Variants in MLLT3 observed in about 807,000 individuals in gnomAD.
MLLT3 encodes MLLT3 super elongation complex subunit, also known as protein AF-9.
MLLT3 carries 4 observed loss-of-function variants against 53.2 expected under a neutral mutation model. That is an observed-to-expected ratio of 0.08 (90% CI 0.04 to 0.17). MLLT3 has a LOEUF of 0.17. Ranked by LOEUF, MLLT3 falls within the 10% of genes least tolerant of loss-of-function variation. MLLT3 has a pLI of 1.00. For missense variants in MLLT3, 569 were observed against 684.0 expected (o/e 0.83, Z 1.87); for synonymous variants, 283 against 230.6 (o/e 1.23, Z -2.06).
At chr9:20,373,993 T>TAA (rs60787106) in intron 5 of MLLT3, among the ~76,000 whole-genome samples, 34 of 145,648 alleles carry the variant, frequency 2.3e-4, no homozygotes, top group African/African-American at 7.0e-4. Context: ...TTGCTTAACA[T>TAA]AAAAAAAAAA....
chr9:20,615,640 T>G (rs150148275), intron 2 of MLLT3, among the ~76,000 whole-genome samples: 49 of 152,032 alleles, frequency 3.2e-4, no homozygotes, highest in African/African-American at 1.1e-3. Context: ...CTACCAGCAG[T>G]TCTCGGAGTG....
chr9:20,501,067 T>A (rs1232507869), intron 2 of MLLT3, among the ~76,000 whole-genome samples: 1 of 152,182 alleles, frequency 6.6e-6, no homozygotes, highest in Non-Finnish European at 1.5e-5. Context: ...TAAATATGAT[T>A]GATTTTTGGA....
chr9:20,531,300 T>C (rs1319778081), intron 2 of MLLT3, among the ~76,000 whole-genome samples: 3 of 151,972 alleles, frequency 2.0e-5, no homozygotes, highest in Non-Finnish European at 2.9e-5. Flanking sequence ...CACGCCCAAG[T>C]AATTTTTGTG....
intron 2 of MLLT3, among the ~76,000 whole-genome samples, chr9:20,587,746 T>C (rs554094270): frequency 1.3e-5 from 2 of 152,124 alleles, no homozygotes; most frequent in South Asian, 4.1e-4. Context: ...TATTAGCCCT[T>C]TGTCAGATGA....
intron 3 of MLLT3, among the ~76,000 whole-genome samples, chr9:20,453,824 A>G (rs899575822): frequency 6.6e-6 from 1 of 152,194 alleles, no homozygotes; most frequent in African/African-American, 2.4e-5. Flanking sequence ...ACAGAATTCT[A>G]TGGATTACAT....
In MLLT3 at chr9:20,523,444, T is replaced by C. The variant is rs182420538; in HGVS notation, c.194-66658A>G. Among the ~76,000 whole-genome samples, 19 of 152,346 alleles carry C rather than the reference T, an allele frequency of 1.2e-4. No individual in the cohort carries two copies. The East Asian group carries it at 3.1e-3, about 25-fold the overall frequency. On this transcript the variant is annotated intron_variant, in intron 2 of 10. Transcript: ENST00000380338. ...TGGATGTTTATATCAGCTTTATTCA[T>C]AGTTGCCAAAACTTGAAAGCAACCA...
intron 2 of MLLT3, among the ~76,000 whole-genome samples, chr9:20,497,496 A>G (rs909964559): frequency 6.6e-6 from 1 of 152,082 alleles, no homozygotes; most frequent in Non-Finnish European, 1.5e-5. Context: ...TCCTGTTCTT[A>G]TAATTATGCT....
chr9:20,566,108 C>A (rs1819372103), intron 2 of MLLT3, among the ~76,000 whole-genome samples: 1 of 140,150 alleles, frequency 7.1e-6, no homozygotes, highest in Non-Finnish European at 1.5e-5. Context: ...AGTGTACTTT[C>A]ATCACATGGA....
chr9:20,538,623 C>T (rs1339278781), intron 2 of MLLT3, among the ~76,000 whole-genome samples: 3 of 152,162 alleles, frequency 2.0e-5, no homozygotes, highest in African/African-American at 4.8e-5. Flanking sequence ...AATTCCCTTA[C>T]ACTTCCCAGA....
At chr9:20,497,773 T>A (rs1825115482) in intron 2 of MLLT3, among the ~76,000 whole-genome samples, 1 of 152,148 alleles carries the variant, frequency 6.6e-6, no homozygotes, top group Non-Finnish European at 1.5e-5. Flanking sequence ...CTTGTATAAG[T>A]GTGTAAGTCT....
chr9:20,442,713 G>A (rs1020630545), intron 4 of MLLT3, among the ~76,000 whole-genome samples: 25 of 152,058 alleles, frequency 1.6e-4, no homozygotes, highest in Non-Finnish European at 2.9e-4. Flanking sequence ...AAAACCCCTC[G>A]CTGGAGGTCC....
intron 2 of MLLT3, among the ~76,000 whole-genome samples, chr9:20,581,946 G>C (rs957170467): frequency 6.6e-6 from 1 of 151,964 alleles, no homozygotes; most frequent in African/African-American, 2.4e-5. Context: ...ACAGAACAAA[G>C]TTCTATATCT....
chr9:20,603,547 T>C (rs185973427), intron 2 of MLLT3, among the ~76,000 whole-genome samples: 1 of 152,234 alleles, frequency 6.6e-6, no homozygotes, highest in East Asian at 1.9e-4. Context: ...ACTGATTTTA[T>C]TCTATTTTGG....
At chr9:20,506,076 T>C (rs1825372797) in intron 2 of MLLT3, among the ~76,000 whole-genome samples, 1 of 123,710 alleles carries the variant, frequency 8.1e-6, no homozygotes, top group Non-Finnish European at 1.8e-5. Context: ...TCTTTTTTTC[T>C]CTCTTTTTTT....
In MLLT3 at chr9:20,604,958, A is replaced by T. The variant is rs187812856; in HGVS notation, c.193+15696T>A. The stretch of plus-strand genomic sequence containing the variant: ...CTTTTAAATACTGGCTACACAAGAT[A>T]AAACTTCAGATGGCTATCACTTCTT... On this transcript the variant is annotated intron_variant, in intron 2 of 10. Transcript: ENST00000380338. Among the ~76,000 whole-genome samples, 244 of 152,270 alleles carry T rather than the reference A, an allele frequency of 1.6e-3. 1 individual carries two copies. The highest frequency in any genetic ancestry group is 0.014 in the South Asian group (67 of 4,832).
chr9:20,541,390 G>A (rs1478419857), intron 2 of MLLT3, among the ~76,000 whole-genome samples: 2 of 152,128 alleles, frequency 1.3e-5, no homozygotes, highest in Admixed American at 6.5e-5. Flanking sequence ...CTGCAATGAA[G>A]AACTACCTGA....
At chr9:20,516,511 G>C (rs1463453346) in intron 2 of MLLT3, among the ~76,000 whole-genome samples, 1 of 152,136 alleles carries the variant, frequency 6.6e-6, no homozygotes, top group Non-Finnish European at 1.5e-5. Context: ...TGCTATTGAT[G>C]CTATTGTATT....
intron 4 of MLLT3, among the ~76,000 whole-genome samples, chr9:20,441,725 T>C (rs1823560152): frequency 6.6e-6 from 1 of 152,132 alleles, no homozygotes; most frequent in African/African-American, 2.4e-5. Context: ...AAGGTACTTA[T>C]TCCAAAACAA....
rs60482385 is a variant in MLLT3 at position 20,473,233 on chromosome 9, C to A, written c.194-16447G>T. On this transcript the variant is annotated intron_variant, in intron 2 of 10. Transcript: ENST00000380338. ...TTTTCTTATTGCTTCAGTTACACTG[C>A]TATTTTTTCGTCCACCAAATGGTTA... Among the ~76,000 whole-genome samples, 457 of 152,222 alleles carry A rather than the reference C, an allele frequency of 3.0e-3. 5 individuals carry two copies. The highest frequency in any genetic ancestry group is 0.01 in the African/African-American group (436 of 41,546).
Sources: allele counts gnomAD v4.1 joint callset (sites outside exome capture counted in the v4.1 genomes callset), GRCh38; gene constraint gnomAD v4.1.1; transcripts MANE v1.5; gene names NCBI Gene and HGNC (gene_info 2026-07-23, HGNC 2026-07-21).